YTHDF3: variants seen among roughly 807,000 people sequenced by gnomAD.
YTHDF3 encodes YTH N6-methyladenosine RNA binding protein F3.
A neutral mutation model predicts 52.5 loss-of-function variants in YTHDF3; 9 were observed. The observed-to-expected ratio is 0.17, with a 90% confidence interval of 0.10 to 0.30. The LOEUF is 0.30. YTHDF3 is among the 10% of genes least tolerant of loss of function. YTHDF3 has a pLI of 1.00. For missense variants in YTHDF3, 534 were observed against 715.0 expected, an observed-to-expected ratio of 0.75 and a Z score of 2.89; for synonymous variants, 274 against 243.3, an observed-to-expected ratio of 1.13 and a Z score of -1.18.
rs199910235 is a variant in YTHDF3, at chr8:63,188,699, A to T, written c.1734+954A>T. The T allele has an allele frequency of 4.3e-3, 244 of 56,672 alleles. 1 individual carries two copies. Among genetic ancestry groups the T allele is most frequent in the African/African-American group, 0.016 (196 of 12,276 alleles). 3.5% of individuals were successfully genotyped at this position (56,672 alleles called of 1,614,324 possible). ...ATTACATATATATATATATATATAT[A>T]TATTTTTTTTTTTTTTTTTTTTTTT... is the stretch of plus-strand genomic sequence containing the variant. On this transcript the variant is annotated intron_variant, in intron 4 of 4. Transcript: ENST00000539294.
At chr8:63,188,239 C>T (rs967301081) in intron 4 of YTHDF3, among the ~76,000 whole-genome samples, 3 of 151,944 alleles carry the variant, frequency 2.0e-5, no homozygotes, top group Non-Finnish European at 2.9e-5. Flanking sequence ...CCAAGCAATC[C>T]TCCTGCCTTA....
At chr8:63,193,821 T>G (rs74774207) in intron 4 of YTHDF3, among the ~76,000 whole-genome samples, 179 of 152,288 alleles carry the variant, frequency 1.2e-3, no homozygotes, top group Middle Eastern at 0.01. Context: ...AGTTTGACAG[T>G]ATCAAGTATT....
At chr8:63,208,736 A>G (rs1810194685) in intron 4 of YTHDF3, among the ~76,000 whole-genome samples, 1 of 152,232 alleles carries the variant, frequency 6.6e-6, no homozygotes, top group Admixed American at 6.5e-5. Context: ...TCTAATAAAC[A>G]TTGTTTAACT....
chr8:63,206,448 G>T (rs186369658), intron 4 of YTHDF3, among the ~76,000 whole-genome samples: 2 of 152,190 alleles, frequency 1.3e-5, no homozygotes, highest in East Asian at 3.9e-4. Flanking sequence ...CAGTTGCTTA[G>T]GCCAAAAGTT....
At chr8:63,200,201 T>C (rs1809514947) in intron 4 of YTHDF3, among the ~76,000 whole-genome samples, 1 of 152,152 alleles carries the variant, frequency 6.6e-6, no homozygotes, top group Non-Finnish European at 1.5e-5. Flanking sequence ...CTTTTGGCTG[T>C]ATGCCAGAGG....
At chr8:63,182,917 C>T (rs1585753013) in intron 3 of YTHDF3, among the ~76,000 whole-genome samples, 2 of 149,012 alleles carry the variant, frequency 1.3e-5, no homozygotes, top group Admixed American at 1.3e-4. Flanking sequence ...ATATGTTTAA[C>T]TGTTTAAAAA....
At chr8:63,182,634 C>G (rs1808216999) in intron 3 of YTHDF3, among the ~76,000 whole-genome samples, 1 of 152,148 alleles carries the variant, frequency 6.6e-6, no homozygotes, top group Non-Finnish European at 1.5e-5. Flanking sequence ...AAACTTCCTA[C>G]TTTGTGTGCT....
intron 3 of YTHDF3, among the ~76,000 whole-genome samples, chr8:63,182,616 T>G (rs1034659392): frequency 7.2e-5 from 11 of 152,174 alleles, no homozygotes; most frequent in Non-Finnish European, 1.3e-4. Flanking sequence ...TATAAAGAAT[T>G]AACATAAAAA....
In YTHDF3 at chr8:63,212,277, G is replaced by A. The variant is rs934900331; in HGVS notation, c.*2571G>A. 4 of 152,552 alleles carry A rather than the reference G, an allele frequency of 2.6e-5. No homozygotes were observed. Among genetic ancestry groups the A allele is most frequent in the Non-Finnish European group, 2.9e-5 (2 of 68,018 alleles). 9.4% of individuals were successfully genotyped at this position (152,552 alleles called of 1,614,324 possible). On this transcript the variant is annotated 3_prime_UTR_variant, in exon 5 of 5. Coordinates refer to ENST00000539294, the MANE Select transcript of YTHDF3 (RefSeq NM_152758.6). Reference sequence around the variant, plus strand: ...AACCAAAATTAGTATTTCTCTATACGTATTGGTACTTGAAGATTCCTTTCA... The same window carrying A: ...AACCAAAATTAGTATTTCTCTATACATATTGGTACTTGAAGATTCCTTTCA...
chr8:63,173,527 G>A, intron 2 of YTHDF3: 1 of 367,022 alleles, frequency 2.7e-6, no homozygotes, highest in Non-Finnish European at 3.8e-6. Flanking sequence ...GTGGATATGA[G>A]AGATAGTTAG....
At chr8:63,190,983 T>G (rs576775207) in intron 4 of YTHDF3, among the ~76,000 whole-genome samples, 2 of 152,346 alleles carry the variant, frequency 1.3e-5, no homozygotes, top group South Asian at 4.1e-4. Context: ...TAAAATGTCT[T>G]TGGTCAGAAT....
At chr8:63,204,251 A>T (rs1397364714) in intron 4 of YTHDF3, among the ~76,000 whole-genome samples, 1 of 151,674 alleles carries the variant, frequency 6.6e-6, no homozygotes, top group Admixed American at 6.6e-5. Flanking sequence ...CTTGGATTTA[A>T]TATTCTACTC....
chr8:63,172,924 A>G (rs1356245553), intron 2 of YTHDF3: 2 of 790,778 alleles, frequency 2.5e-6, no homozygotes, highest in Non-Finnish European at 3.4e-6. Flanking sequence ...AATATTCAAA[A>G]ACGAAAGTCT....
chr8:63,174,503 G>A (rs1431389109), intron 2 of YTHDF3, among the ~76,000 whole-genome samples: 1 of 152,158 alleles, frequency 6.6e-6, no homozygotes, highest in African/African-American at 2.4e-5. Flanking sequence ...ATCCCTAACT[G>A]GAGATCATCT....
chr8:63,176,140 A>T (rs1261479952), intron 3 of YTHDF3, among the ~76,000 whole-genome samples: 1 of 152,218 alleles, frequency 6.6e-6, no homozygotes, highest in East Asian at 1.9e-4. Flanking sequence ...TAAGCCACTG[A>T]TAGAAATAAA....
chr8:63,169,655 G>A (rs1434181895), intron 2 of YTHDF3, among the ~76,000 whole-genome samples: 1 of 152,172 alleles, frequency 6.6e-6, no homozygotes, highest in Non-Finnish European at 1.5e-5. Context: ...AGCAGGTATT[G>A]GTGTGAACCT....
rs779908098 is a variant in YTHDF3 at position 63,187,249 on chromosome 8, T to C, written c.1238T>C (p.Leu413Pro). The change falls in exon 4 of 5, where the codon CTG becomes CCG. Residue 413 changes from leucine (L) to proline (P), a missense_variant. Physicochemically the swap from Leu to Pro is moderately conservative, Grantham distance 98 (BLOSUM62 -3). Transcript: ENST00000539294. ...NYNPKDFDWN[L>P]KNGRVFIIKS... ...AATCCCAAAGACTTTGATTGGAATC[T>C]GAAGAATGGACGTGTGTTTATAATT... The C allele has an allele frequency of 3.1e-6, 5 of 1,613,926 alleles. No homozygotes were observed. In the African/African-American group the frequency reaches 6.7e-5, roughly 22 times the overall value.
chr8:63,169,059 G>T, intron 1 of YTHDF3, 158 bp downstream of exon 1: 8 of 1,405,584 alleles, frequency 5.7e-6, no homozygotes, highest in Admixed American at 3.6e-5. Context: ...CGGGGCGTGC[G>T]CCCTGGCCCC....
Position 63,171,940 on chromosome 8 carries a change from A to G in YTHDF3, c.49+2529A>G, listed in dbSNP as rs190183400. On this transcript the variant is annotated intron_variant, in intron 2 of 4. Coordinates refer to ENST00000539294, the MANE Select transcript of YTHDF3 (RefSeq NM_152758.6). ...CTAGTTTTAGTGTCTTTGATTTTCT[A>G]TATATCCTTAATTACTTAATTCATT... Among the ~76,000 whole-genome samples, 41 of 152,312 alleles carry G rather than the reference A, an allele frequency of 2.7e-4. 1 individual carries two copies. The highest frequency in any genetic ancestry group is 3.4e-3 in the Middle Eastern group (1 of 294).
Sources: gnomAD v4.1 joint callset for allele counts (sites outside exome capture counted in the v4.1 genomes callset) on GRCh38, gnomAD v4.1.1 for gene constraint, MANE v1.5 for transcripts, NCBI Gene and HGNC (gene_info 2026-07-23, HGNC 2026-07-21) for gene names.